SDHAF3: variants seen among roughly 807,000 people sequenced by gnomAD.
SDHAF3 encodes the protein succinate dehydrogenase complex assembly factor 3.
A neutral mutation model predicts 11.5 loss-of-function variants in SDHAF3; 18 were observed. The observed-to-expected ratio is 1.56, with a 90% confidence interval of 1.08 to 2.32. SDHAF3 has a LOEUF of 2.32. SDHAF3 is among the 30% of genes most tolerant of loss of function. SDHAF3 has a pLI of 0.00. For synonymous variants in SDHAF3, 72 were observed against 59.3 expected, an observed-to-expected ratio of 1.21 and a Z score of -0.99; for missense variants, 200 against 154.4, an observed-to-expected ratio of 1.30 and a Z score of -1.57.
intron 1 of SDHAF3, among the ~76,000 whole-genome samples, chr7:97,127,135 G>T (rs1285011248): frequency 6.6e-6 from 1 of 152,148 alleles, no homozygotes; most frequent in Non-Finnish European, 1.5e-5. Context: ...TGCACCCACT[G>T]CCTAACCAGT....
At chr7:97,174,091 G>A (rs1789645880) in intron 1 of SDHAF3, among the ~76,000 whole-genome samples, 1 of 151,804 alleles carries the variant, frequency 6.6e-6, no homozygotes, top group Non-Finnish European at 1.5e-5. Flanking sequence ...GCTAAGTTTT[G>A]TATTTTTATT....
Position 97,181,127 on chromosome 7 carries a change from A to G in SDHAF3, c.290A>G (p.Gln97Arg). The change falls in exon 2 of 2, where the codon CAA (glutamine) becomes CGA (arginine). Residue 97 changes from glutamine to arginine, a missense_variant. By Grantham distance (43) the Gln-to-Arg change is conservative. Coordinates refer to ENST00000432641, the MANE Select transcript of SDHAF3 (RefSeq NM_020186.3). Reference protein sequence around the residue: ...EEKLNDFRDEQIGQLQELMQE... With the variant: ...EEKLNDFRDERIGQLQELMQE... Reference sequence around the variant, plus strand: ...AAACTTAATGACTTTCGTGATGAACAAATTGGACAGTTGCAGGAGCTGATG... The same window carrying G: ...AAACTTAATGACTTTCGTGATGAACGAATTGGACAGTTGCAGGAGCTGATG... The G allele has an allele frequency of 6.2e-7, 1 of 1,614,086 alleles. No homozygotes were observed. The highest frequency in any genetic ancestry group is 8.5e-7 in the Non-Finnish European group (1 of 1,179,956).
At chr7:97,145,804 A>G (rs1017627183) in intron 1 of SDHAF3, among the ~76,000 whole-genome samples, 2 of 152,140 alleles carry the variant, frequency 1.3e-5, no homozygotes, top group African/African-American at 2.4e-5. Context: ...CATTTATTAA[A>G]TGCCTTCCAT....
intron 1 of SDHAF3, among the ~76,000 whole-genome samples, chr7:97,122,086 C>T (rs924168100): frequency 9.9e-5 from 15 of 152,072 alleles, no homozygotes; most frequent in African/African-American, 2.9e-4. Context: ...ATTGATCTCC[C>T]GACCTTATGA....
chr7:97,173,547 T>TA (rs1789636366), intron 1 of SDHAF3, among the ~76,000 whole-genome samples: 1 of 1,930 alleles, frequency 5.2e-4, no homozygotes, highest in Non-Finnish European at 1.5e-3. Flanking sequence ...AAAATTAGAA[T>TA]TTTTTTTTTT....
At chr7:97,151,986 C>G (rs1319887736) in intron 1 of SDHAF3, among the ~76,000 whole-genome samples, 1 of 152,142 alleles carries the variant, frequency 6.6e-6, no homozygotes, top group Non-Finnish European at 1.5e-5. Flanking sequence ...ATTAAGATCA[C>G]CCAGAGTTCA....
intron 1 of SDHAF3, among the ~76,000 whole-genome samples, chr7:97,119,814 T>G (rs1791463927): frequency 6.6e-6 from 1 of 152,176 alleles, no homozygotes; most frequent in Admixed American, 6.5e-5. Flanking sequence ...GTATCTCAAT[T>G]TGAGTTTGTC....
intron 1 of SDHAF3, among the ~76,000 whole-genome samples, chr7:97,134,474 T>TCTTGCTGTGTCTTGCTGGGAGA (rs1562821440): frequency 3.3e-5 from 5 of 152,032 alleles, no homozygotes; most frequent in Middle Eastern, 3.4e-3. Flanking sequence ...TGAGACGGAG[T>TCTTGCTGTGTCTTGCTGGGAGA]CTTGCTGTGT....
intron 1 of SDHAF3, among the ~76,000 whole-genome samples, chr7:97,172,161 T>A (rs996855789): frequency 1.3e-5 from 2 of 152,160 alleles, no homozygotes; most frequent in Non-Finnish European, 2.9e-5. Flanking sequence ...AATTTGTACA[T>A]GTTTTGTAGC....
intron 1 of SDHAF3, among the ~76,000 whole-genome samples, chr7:97,141,402 CA>C (rs1489766922): frequency 6.6e-6 from 1 of 152,174 alleles, no homozygotes; most frequent in Non-Finnish European, 1.5e-5. Flanking sequence ...GCTGGTTTTA[CA>C]GCTCAGGGGG....
At chr7:97,179,800 T>G (rs1789742843) in intron 1 of SDHAF3, among the ~76,000 whole-genome samples, 1 of 146,800 alleles carries the variant, frequency 6.8e-6, no homozygotes, top group Non-Finnish European at 1.5e-5. Context: ...TTGATAAAAC[T>G]TGAAATGTTT....
At chr7:97,134,342 C>A (rs1791715035) in intron 1 of SDHAF3, among the ~76,000 whole-genome samples, 1 of 152,184 alleles carries the variant, frequency 6.6e-6, no homozygotes, top group African/African-American at 2.4e-5. Flanking sequence ...TAACTGATAA[C>A]TCTGGATTAC....
chr7:97,142,134 A>G (rs1051167746), intron 1 of SDHAF3, among the ~76,000 whole-genome samples: 51 of 139,146 alleles, frequency 3.7e-4, no homozygotes, highest in Admixed American at 3.1e-3. Flanking sequence ...GCTCACTCCA[A>G]CCTCTGCCTC....
In SDHAF3 at chr7:97,181,382, A is replaced by C; in HGVS notation, c.*167A>C. On this transcript the variant is annotated 3_prime_UTR_variant, in exon 2 of 2. Transcript: ENST00000432641. ...ATATGGATCAAGATCACTAGTGACA[A>C]TTGAAAAAAACTATTGGAATAATAG... 1 of 505,888 alleles carries C rather than the reference A, an allele frequency of 2.0e-6. No individual in the cohort carries two copies. The highest frequency in any genetic ancestry group is 3.4e-6 in the Non-Finnish European group (1 of 292,728). 31.3% of individuals were successfully genotyped at this position (505,888 alleles called of 1,614,324 possible). A position where few individuals can be genotyped will look rare whatever the true frequency, so the allele number is the denominator to read the frequency against.
intron 1 of SDHAF3, among the ~76,000 whole-genome samples, chr7:97,120,352 T>C (rs1791472462): frequency 6.6e-6 from 1 of 152,134 alleles, no homozygotes; most frequent in Non-Finnish European, 1.5e-5. Context: ...GGTTGGATCC[T>C]ACCAGGAAAG....
intron 1 of SDHAF3, among the ~76,000 whole-genome samples, chr7:97,180,011 T>C (rs1157274725): frequency 1.3e-5 from 2 of 152,196 alleles, no homozygotes; most frequent in Non-Finnish European, 2.9e-5. Context: ...TAAAATACTT[T>C]GGCACTTTGT....
intron 1 of SDHAF3, among the ~76,000 whole-genome samples, chr7:97,170,488 G>T (rs1348358164): frequency 6.6e-6 from 1 of 152,078 alleles, no homozygotes; most frequent in Non-Finnish European, 1.5e-5. Flanking sequence ...ACAAGAATGT[G>T]CTTATTTTCT....
At chr7:97,177,280 A>G (rs964837153) in intron 1 of SDHAF3, among the ~76,000 whole-genome samples, 4 of 152,062 alleles carry the variant, frequency 2.6e-5, no homozygotes, top group African/African-American at 9.7e-5. Context: ...AGGCGGGTGG[A>G]TCATGAGGTC....
chr7:97,117,712 G>C lies in SDHAF3; in HGVS notation c.-12G>C, dbSNP rs748954121. ...TCTGCGCAGGCGCAGTCGGCGGTCG[G>C]CGTGGGGCGCTATGCCGGGGCGGCA... On this transcript the variant is annotated 5_prime_UTR_variant, in exon 1 of 2. Transcript: ENST00000432641. 17 of 1,608,574 alleles carry C rather than the reference G, an allele frequency of 1.1e-5. No individual in the cohort carries two copies. Among genetic ancestry groups the C allele is most frequent in the Middle Eastern group, 1.7e-4 (1 of 6,058 alleles).
Sources: allele counts gnomAD v4.1 joint callset (sites outside exome capture counted in the v4.1 genomes callset), GRCh38; gene constraint gnomAD v4.1.1; transcripts MANE v1.5; gene names NCBI Gene and HGNC (gene_info 2026-07-23, HGNC 2026-07-21).